The following UBE2J2 variants were observed in gnomAD, a reference collection of about 807,000 sequenced individuals.
The protein encoded by UBE2J2 is ubiquitin-conjugating enzyme E2 J2.
A neutral mutation model predicts 28.6 loss-of-function variants in UBE2J2; 5 were observed. The ratio of observed to expected loss-of-function variants is 0.17; its 90% CI spans 0.09 to 0.37. The LOEUF (loss-of-function observed/expected upper bound fraction) is 0.37, where lower values mean the gene tolerates loss of function less well. Ranked by LOEUF, UBE2J2 falls within the 10% of genes least tolerant of loss-of-function variation. UBE2J2 has a pLI of 1.00. For synonymous variants in UBE2J2, 138 were observed against 139.7 expected, an observed-to-expected ratio of 0.99 and a Z score of 0.09; for missense variants, 226 against 338.9, an observed-to-expected ratio of 0.67 and a Z score of 2.62.
chr1:1,273,080 G>A (rs1242442817), intron 1 of UBE2J2: 3 of 152,314 alleles, frequency 2.0e-5, no homozygotes, highest in African/African-American at 7.2e-5. Context: ...AGGACGCCAG[G>A]AGGTGACACC....
In UBE2J2 at chr1:1,257,046, G is replaced by A. The variant is rs1400826110; in HGVS notation, c.360C>T (p.Ser120=). ...GGGTGGGGCCCTTCTCCACCATGAA[G>A]CTCAGGAGCCCAGTCAGGATGGTGG... is the stretch of plus-strand genomic sequence containing the variant. ...SVSTILTGLL[S]FMVEKGPTLG... The change falls in exon 5 of 7, where the codon AGC becomes AGT. Residue 120 remains serine (S), a synonymous_variant. Coordinates refer to ENST00000349431, the MANE Select transcript of UBE2J2 (RefSeq NM_058167.3). 1.9e-6 allele frequency: 3 copies of A among 1,612,758 alleles called. No individual in the cohort carries two copies. Among genetic ancestry groups the A allele is most frequent in the South Asian group, 2.2e-5 (2 of 91,024 alleles).
chr1:1,262,442 C>T, intron 3 of UBE2J2: 1 of 392,434 alleles, frequency 2.5e-6, no homozygotes. Context: ...GGCCAAAATG[C>T]CTTCAGGAGA....
intron 1 of UBE2J2, among the ~76,000 whole-genome samples, chr1:1,269,477 GAGAT>G (rs1640041779): frequency 7.9e-6 from 1 of 126,682 alleles, no homozygotes; most frequent in Non-Finnish European, 1.6e-5. Context: ...TTTTTTTTTT[GAGAT>G]AGAATCTCAC....
intron 3 of UBE2J2, chr1:1,263,137 G>C: frequency 1.8e-6 from 1 of 561,582 alleles, no homozygotes; most frequent in South Asian, 2.1e-5. Context: ...GACGCTACAG[G>C]CGGCCCTGCA....
At chr1:1,262,226 ACTTTAACACGCC>A (rs1481096041) in intron 3 of UBE2J2, 1 of 430,574 alleles carries the variant, frequency 2.3e-6, no homozygotes, top group African/African-American at 2.0e-5. Context: ...CGTAACAAGT[ACTTTAACACGCC>A]CTGGACACCT....
chr1:1,258,378 A>G (rs1034334910), intron 3 of UBE2J2, among the ~76,000 whole-genome samples: 17 of 152,092 alleles, frequency 1.1e-4, no homozygotes, highest in Admixed American at 1.1e-3. Flanking sequence ...GCATAGCCTT[A>G]TAAGGGGCCA....
rs1227975466 is a variant in UBE2J2 at position 1,267,617 on chromosome 1, ACCG to A, written c.131+242_131+244del. ...ACCCCGCCCCCCTCAAGGGCCCCAC[ACCG>A]GAGATTCTCTCCAGCCCCAGCCTGA... is the stretch of plus-strand genomic sequence containing the variant. On this transcript the variant is annotated intron_variant, in intron 2 of 6. Transcript: ENST00000349431. 1.1e-5 allele frequency: 11 copies of A among 1,011,588 alleles called. No homozygotes were observed. In the African/African-American group the frequency reaches 1.2e-4, roughly 11 times the overall value. The allele number at this position is 1,011,588 out of a possible 1,614,324, so 62.7% of individuals were successfully genotyped here.
Position 1,265,603 on chromosome 1 carries a change from T to TTGTGTGTGTGTGTGTGTGTG in UBE2J2, c.132-2237_132-2218dup, listed in dbSNP as rs57125925. Among the ~76,000 whole-genome samples the TTGTGTGTGTGTGTGTGTGTG allele has an allele frequency of 5.5e-4, 66 of 121,016 alleles. 1 individual carries two copies. The highest frequency in any genetic ancestry group is 2.8e-3 in the East Asian group (11 of 3,908). 79.4% of individuals were successfully genotyped at this position (121,016 alleles called of 152,430 possible). On this transcript the variant is annotated intron_variant, in intron 2 of 6. Transcript: ENST00000349431. Reference sequence around the variant, plus strand: ...TGTGTGTGTGTGTGTTTTCTCTCCATTGTGTGTGTGTGTGTGTGTGTGTGT... The same window carrying TTGTGTGTGTGTGTGTGTGTG: ...TGTGTGTGTGTGTGTTTTCTCTCCATTGTGTGTGTGTGTGTGTGTGTGTGTGTGTGTGTGTGTGTGTGTGT...
chr1:1,262,473 C>T (rs979103053), intron 3 of UBE2J2: 1 of 366,422 alleles, frequency 2.7e-6, no homozygotes, highest in African/African-American at 2.1e-5. Context: ...TTCTTACCCA[C>T]CCACAACCCT....
chr1:1,271,507 T>C (rs1346115737), intron 1 of UBE2J2: 1 of 152,150 alleles, frequency 6.6e-6, no homozygotes, highest in Non-Finnish European at 1.5e-5. Flanking sequence ...TTCTCTCCCA[T>C]ACCTGCTTGG....
intron 2 of UBE2J2, among the ~76,000 whole-genome samples, chr1:1,264,012 T>C (rs2101068263): frequency 6.6e-6 from 1 of 152,322 alleles, no homozygotes; most frequent in South Asian, 2.1e-4. Context: ...CGATGTACTT[T>C]GAAATGTATA....
chr1:1,265,603 T>TTGTGTGTGTGTGTGTGTGTGTGTGTG (rs57125925), intron 2 of UBE2J2, among the ~76,000 whole-genome samples: 2 of 120,948 alleles, frequency 1.7e-5, no homozygotes, highest in African/African-American at 3.2e-5. Flanking sequence ...TTTCTCTCCA[T>TTGTGTGTGTGTGTGTGTGTGTGTGTG]TGTGTGTGTG....
intron 2 of UBE2J2, among the ~76,000 whole-genome samples, chr1:1,265,649 G>GTGTGTGTGTGTGTGTGTGT (rs60585001): frequency 6.8e-6 from 1 of 146,028 alleles, no homozygotes; most frequent in African/African-American, 2.6e-5. Context: ...GTGTGTGTGT[G>GTGTGTGTGTGTGTGTGTGT]GTGGAGTCTC....
chr1:1,256,940 GC>G, intron 5 of UBE2J2, 51 bp downstream of exon 5: 3 of 1,094,618 alleles, frequency 2.7e-6, no homozygotes, highest in Non-Finnish European at 3.7e-6. Context: ...ACAGAGAACA[GC>G]CCCCCAGACA....
At chr1:1,260,019 G>A (rs982682471) in intron 3 of UBE2J2, among the ~76,000 whole-genome samples, 23 of 152,244 alleles carry the variant, frequency 1.5e-4, no homozygotes, top group Middle Eastern at 3.4e-3. Flanking sequence ...ATGAAAACAC[G>A]GCTTCACTGT....
intron 3 of UBE2J2, among the ~76,000 whole-genome samples, chr1:1,259,050 C>T (rs888361778): frequency 6.6e-6 from 1 of 150,818 alleles, no homozygotes; most frequent in African/African-American, 2.4e-5. Flanking sequence ...GCCATCAGGA[C>T]GCACGTGTGT....
chr1:1,255,179 G>A lies in UBE2J2; in HGVS notation c.*24C>T, dbSNP rs772657087. 9.6e-6 allele frequency: 15 copies of A among 1,561,418 alleles called. No individual in the cohort carries two copies. Among genetic ancestry groups the A allele is most frequent in the East Asian group, 4.5e-5 (2 of 44,192 alleles). On this transcript the variant is annotated 3_prime_UTR_variant, in exon 7 of 7. Transcript: ENST00000349431. Reference sequence around the variant, plus strand: ...TCTGGTGCGCGGTGCCCTCAGTGGCGCCTTGGGTCTCGGCGCCTGGGCCTC... The same window carrying A: ...TCTGGTGCGCGGTGCCCTCAGTGGCACCTTGGGTCTCGGCGCCTGGGCCTC...
chr1:1,271,974 C>CAAAAAAAAAAAAAAAAAAAA (rs60924258), intron 1 of UBE2J2, among the ~76,000 whole-genome samples: 9 of 27,614 alleles, frequency 3.3e-4, no homozygotes, highest in Admixed American at 5.9e-4. Flanking sequence ...AACTCCGTCT[C>CAAAAAAAAAAAAAAAAAAAA]AAAAAAAAAA....
chr1:1,258,736 T>G (rs1639356346), intron 3 of UBE2J2, among the ~76,000 whole-genome samples: 1 of 152,156 alleles, frequency 6.6e-6, no homozygotes, highest in Non-Finnish European at 1.5e-5. Flanking sequence ...TCACACCCAC[T>G]CCATGAGCAA....
Sources: gnomAD v4.1 joint callset for allele counts (sites outside exome capture counted in the v4.1 genomes callset) on GRCh38, gnomAD v4.1.1 for gene constraint, MANE v1.5 for transcripts, NCBI Gene and HGNC (gene_info 2026-07-23, HGNC 2026-07-21) for gene names.